Variants in CNTN6 observed in about 807,000 individuals in gnomAD.
CNTN6 encodes contactin-6.
A neutral mutation model predicts 122.8 loss-of-function variants in CNTN6; 137 were observed. The observed-to-expected ratio is 1.12, with a 90% CI of 0.97 to 1.29. CNTN6 has a LOEUF of 1.29. Ranked by LOEUF, CNTN6 falls within the 50% of genes most tolerant of loss-of-function variation. The pLI is 0.00. For synonymous variants in CNTN6, 570 were observed against 426.0 expected (o/e 1.34, Z -4.16); for missense variants, 1,634 against 1,223.4 (o/e 1.34, Z -5.01).
At chr3:1,168,520 A>G (rs1447767356) in intron 2 of CNTN6, among the ~76,000 whole-genome samples, 1 of 151,498 alleles carries the variant, frequency 6.6e-6, no homozygotes, top group East Asian at 1.9e-4. Context: ...CTAAGCACTG[A>G]CTAAACAAGA....
rs923957512 is a variant in CNTN6, at chr3:1,186,951, A to C, written c.56-33736A>C. 1.5e-4 allele frequency among the ~76,000 whole-genome samples: 23 copies of C among 152,050 alleles called. 1 individual carries two copies. Among genetic ancestry groups the C allele is most frequent in the Admixed American group, 1.5e-3 (23 of 15,248 alleles). On this transcript the variant is annotated intron_variant, in intron 2 of 22. Transcript: ENST00000446702. ...AGTCTTTCCATCTATATAAAGGCCT[A>C]TTTCATGTTACCAAAGAGGAAAAGA...
chr3:1,281,035 A>G (rs942805761), intron 5 of CNTN6, among the ~76,000 whole-genome samples: 1 of 152,144 alleles, frequency 6.6e-6, no homozygotes, highest in Non-Finnish European at 1.5e-5. Context: ...GGCTCACCTG[A>G]TACAGATCAT....
chr3:1,146,542 A>G (rs2092726681), intron 1 of CNTN6, among the ~76,000 whole-genome samples: 1 of 149,650 alleles, frequency 6.7e-6, no homozygotes, highest in Admixed American at 6.8e-5. Flanking sequence ...TCTCATACAT[A>G]TTACATTTTT....
Position 1,403,546 on chromosome 3 carries a change from T to C in CNTN6, c.*128T>C. 1.9e-6 allele frequency: 1 copy of C among 517,424 alleles called. No homozygotes were observed. The highest frequency in any genetic ancestry group is 3.6e-5 in the South Asian group (1 of 28,064). The allele number at this position is 517,424 out of a possible 1,614,324, so 32.1% of individuals were successfully genotyped here. A position where few individuals can be genotyped will look rare whatever the true frequency, so the allele number is the denominator to read the frequency against. The stretch of plus-strand genomic sequence containing the variant: ...TGCAAAGAAAAAAAAAAGTATATTA[T>C]TAAAATCCTGTAAATATCTATGGTA... On this transcript the variant is annotated 3_prime_UTR_variant, in exon 23 of 23. Transcript: ENST00000446702.
intron 7 of CNTN6, among the ~76,000 whole-genome samples, chr3:1,308,937 G>A (rs1286486917): frequency 1.3e-5 from 2 of 151,966 alleles, no homozygotes; most frequent in Non-Finnish European, 2.9e-5. Flanking sequence ...ATCTTCTTTA[G>A]TAAGACGTCT....
chr3:1,330,195 C>A lies in CNTN6; in HGVS notation c.1364+260C>A, dbSNP rs557514978. ...ATAGATTTTTAAAAATCTTTTAAGA[C>A]CTTTTTCTACATTCAGTTTGAAGGC... On this transcript the variant is annotated intron_variant, in intron 11 of 22. Coordinates refer to ENST00000446702, the MANE Select transcript of CNTN6 (RefSeq NM_001289080.2). Among the ~76,000 whole-genome samples the A allele has an allele frequency of 2.6e-5, 4 of 151,974 alleles. No individual in the cohort carries two copies. In the South Asian group the frequency reaches 8.3e-4, roughly 31 times the overall value.
At chr3:1,146,119 T>C (rs2092717635) in intron 1 of CNTN6, among the ~76,000 whole-genome samples, 1 of 152,124 alleles carries the variant, frequency 6.6e-6, no homozygotes, top group Admixed American at 6.6e-5. Context: ...TTTTACTCCA[T>C]CTCTTTCATT....
At position 1,377,050 on chromosome 3, in the gene CNTN6, G is replaced by T. The variant is rs745599517; in HGVS notation, c.2141G>T (p.Arg714Leu). The change falls in exon 17 of 23, where the codon CGG (arginine) becomes CTG (leucine). Residue 714 changes from arginine (R) to leucine (L), a missense_variant. Coordinates refer to ENST00000446702, the MANE Select transcript of CNTN6 (RefSeq NM_001289080.2). Reference sequence around the variant, plus strand: ...AACATCCATGGAGGTGGAGGAAGTCGGTCTGAACTCGTCATTACGTGGGAG... The same window carrying T: ...AACATCCATGGAGGTGGAGGAAGTCTGTCTGAACTCGTCATTACGTGGGAG... ...PVNIHGGGGSRSELVITWESI... is the reference protein window; with the variant it reads ...PVNIHGGGGSLSELVITWESI... 1 of 1,600,956 alleles carries T rather than the reference G, an allele frequency of 6.2e-7. No homozygotes were observed. The highest frequency in any genetic ancestry group is 8.5e-7 in the Non-Finnish European group (1 of 1,173,092).
At chr3:1,388,520 G>A (rs28825148) in intron 20 of CNTN6, among the ~76,000 whole-genome samples, 12,912 of 149,564 alleles carry the variant, frequency 0.086, 920 homozygotes, top group African/African-American at 0.2. Flanking sequence ...CCTCCTCCAA[G>A]GGAACGCAGT....
chr3:1,260,792 C>A (rs553794814), intron 4 of CNTN6, among the ~76,000 whole-genome samples: 1 of 151,854 alleles, frequency 6.6e-6, no homozygotes, highest in Non-Finnish European at 1.5e-5. Context: ...TACCTGATGC[C>A]GCCGTGTAAA....
intron 2 of CNTN6, among the ~76,000 whole-genome samples, chr3:1,212,952 A>T (rs538703325): frequency 4.3e-4 from 65 of 152,322 alleles, no homozygotes; most frequent in Admixed American, 2.3e-3. Context: ...AAAAGGAATG[A>T]TATCAACTGA....
chr3:1,113,497 C>T (rs141626246), intron 1 of CNTN6, among the ~76,000 whole-genome samples: 15 of 152,096 alleles, frequency 9.9e-5, no homozygotes, highest in Non-Finnish European at 1.6e-4. Flanking sequence ...GCTCAATATG[C>T]GAACAACTTC....
intron 4 of CNTN6, among the ~76,000 whole-genome samples, chr3:1,251,717 G>A (rs3913305): frequency 0.41 from 62,651 of 151,756 alleles, 13,060 homozygotes; most frequent in Admixed American, 0.51. Context: ...CTGTATTGCC[G>A]GCATCTTCAG....
In CNTN6 at chr3:1,401,465, A is replaced by T; in HGVS notation, c.2737A>T (p.Lys913Ter). 1 of 1,612,166 alleles carries T rather than the reference A, an allele frequency of 6.2e-7. No individual in the cohort carries two copies. The highest frequency in any genetic ancestry group is 8.5e-7 in the Non-Finnish European group (1 of 1,178,684). Residue 913 changes from lysine (K) to a stop codon, truncating the protein, a stop_gained, in exon 21 of 23, where the codon AAG becomes TAG. Coordinates refer to ENST00000446702, the MANE Select transcript of CNTN6 (RefSeq NM_001289080.2). LOFTEE classifies it high-confidence loss of function. Reference sequence around the variant, plus strand: ...CCAACCACCAGCAAACATTGCCTGGAAGCTGACAAACTCTAAATTATGCTT... The same window carrying T: ...CCAACCACCAGCAAACATTGCCTGGTAGCTGACAAACTCTAAATTATGCTT... ...PSQPPANIAW[K>*]LTNSKLCLNW...
At chr3:1,188,300 C>A (rs2093656692) in intron 2 of CNTN6, among the ~76,000 whole-genome samples, 1 of 152,138 alleles carries the variant, frequency 6.6e-6, no homozygotes, top group Non-Finnish European at 1.5e-5. Context: ...TGAAAGAATT[C>A]TTACAAGGCA....
At chr3:1,290,853 T>C (rs1224179624) in intron 5 of CNTN6, among the ~76,000 whole-genome samples, 1 of 152,234 alleles carries the variant, frequency 6.6e-6, no homozygotes, top group African/African-American at 2.4e-5. Flanking sequence ...CTCATTGTTA[T>C]CTTGGTGTTG....
chr3:1,257,727 A>T (rs1210704453), intron 4 of CNTN6, among the ~76,000 whole-genome samples: 8 of 152,188 alleles, frequency 5.3e-5, no homozygotes, highest in Non-Finnish European at 1.2e-4. Context: ...GGCAGGGTAG[A>T]ACACTAGCTG....
At chr3:1,386,264 TTTTTG>T (rs924857270) in intron 20 of CNTN6, among the ~76,000 whole-genome samples, 2 of 98,210 alleles carry the variant, frequency 2.0e-5, no homozygotes, top group Non-Finnish European at 5.0e-5. Context: ...GTAAATGGTT[TTTTTG>T]TTTTGTCATT....
At chr3:1,094,983 A>C (rs1340816164) in intron 1 of CNTN6, among the ~76,000 whole-genome samples, 1 of 152,172 alleles carries the variant, frequency 6.6e-6, no homozygotes, top group Non-Finnish European at 1.5e-5. Flanking sequence ...ACCTGTAAAT[A>C]ACAATCATGA....
Sources: allele counts gnomAD v4.1 joint callset (sites outside exome capture counted in the v4.1 genomes callset), GRCh38; gene constraint gnomAD v4.1.1; transcripts MANE v1.5; gene names NCBI Gene and HGNC (gene_info 2026-07-23, HGNC 2026-07-21).